Variants in CYBA observed in about 807,000 individuals in gnomAD.
The protein encoded by CYBA is cytochrome b-245 alpha chain, also known as cytochrome b-245 light chain.
A neutral mutation model predicts 20.8 loss-of-function variants in CYBA; 21 were observed. The ratio of observed to expected loss-of-function variants is 1.01; its 90% CI spans 0.72 to 1.46. CYBA has a LOEUF of 1.46. Among genes scored for constraint, CYBA ranks in the 40% most tolerant of loss-of-function variants. The probability of loss-of-function intolerance (pLI) is 0.00; values close to 1 mark genes in which losing one functional copy is unlikely to be tolerated. For missense variants in CYBA, 344 were observed against 287.0 expected, an observed-to-expected ratio of 1.20 and a Z score of -1.43; for synonymous variants, 164 against 127.5, an observed-to-expected ratio of 1.29 and a Z score of -1.93.
intron 3 of CYBA, 55 bp from the exon 4 acceptor site, chr16:88,646,893 C>A: frequency 6.9e-7 from 1 of 1,453,968 alleles, no homozygotes; most frequent in Non-Finnish European, 9.6e-7. Context: ...ACTCGGGACT[C>A]CTTTGCTGCC....
At chr16:88,649,190 G>A (rs1567610126) in intron 1 of CYBA, among the ~76,000 whole-genome samples, 1 of 152,172 alleles carries the variant, frequency 6.6e-6, no homozygotes, top group Non-Finnish European at 1.5e-5. Context: ...GCCCGCCTTG[G>A]CCTCCCAAAG....
chr16:88,643,390 T>A lies in CYBA; in HGVS notation c.551A>T (p.Gln184Leu). 6.5e-7 allele frequency: 1 copy of A among 1,531,596 alleles called. No individual in the cohort carries two copies. The highest frequency in any genetic ancestry group is 8.8e-7 in the Non-Finnish European group (1 of 1,141,482). The allele number at this position is 1,531,596 out of a possible 1,614,324, so 94.9% of individuals were successfully genotyped here. A position where few individuals can be genotyped will look rare whatever the true frequency, so the allele number is the denominator to read the frequency against. ...VAAGGPPGGP[Q>L]VNPIPVTDEV... ...GTCGGTCACCGGGATGGGGTTGACC[T>A]GGGGACCTCCCGGGGGTCCCCCCGC... The change falls in exon 6 of 6, where the codon CAG becomes CTG. Residue 184 changes from glutamine to leucine, a missense_variant. Transcript: ENST00000261623. This position sits in a 1 kb window ranked among gnomAD's most constrained non-coding sequence, Gnocchi z 4.3.
At chr16:88,647,659 C>T in intron 2 of CYBA, 1 of 385,354 alleles carries the variant, frequency 2.6e-6, no homozygotes, top group Non-Finnish European at 5.0e-6. Flanking sequence ...CCCAGTGCTC[C>T]TTGTCGCAAG....
In CYBA at chr16:88,646,108, C is replaced by T. The variant is rs1208265744; in HGVS notation, c.369+8G>A. 1.9e-6 allele frequency: 3 copies of T among 1,548,862 alleles called. No individual in the cohort carries two copies. The highest frequency in any genetic ancestry group is 1.7e-6 in the Non-Finnish European group (2 of 1,147,866). ...TGGCCGGGGCCGACCTCAGAGGGCG[C>T]CACTCACCAGTAGGTAGATGCCGCT... On this transcript the variant is annotated splice_region_variant and intron_variant, in intron 5 of 5. Coordinates refer to ENST00000261623, the MANE Select transcript of CYBA (RefSeq NM_000101.4).
At position 88,650,999 on chromosome 16, in the gene CYBA, C is replaced by G; in HGVS notation, c.15G>C (p.Glu5Asp). The change falls in exon 1 of 6, where the codon GAG becomes GAC. Residue 5 changes from glutamate to aspartate, a missense_variant. Transcript: ENST00000261623. ...CCTGTTCGTTGGCCCACATGGCCCA[C>G]TCGATCTGCCCCATGGCGACACGAA... The part of the protein sequence containing the change: MGQI[E>D]WAMWANEQAL... 1 of 1,597,882 alleles carries G rather than the reference C, an allele frequency of 6.3e-7. No homozygotes were observed. The highest frequency in any genetic ancestry group is 1.1e-5 in the South Asian group (1 of 88,994).
intron 1 of CYBA, among the ~76,000 whole-genome samples, chr16:88,648,929 TTTTA>T (rs933498209): frequency 6.9e-6 from 1 of 145,142 alleles, no homozygotes; most frequent in African/African-American, 2.5e-5. Flanking sequence ...CTTCCTACTA[TTTTA>T]TTTCTTTTTT....
At chr16:88,650,603 C>A (rs556615936) in intron 1 of CYBA, 3 of 515,252 alleles carry the variant, frequency 5.8e-6, no homozygotes, top group African/African-American at 3.9e-5. Context: ...CCGGAGCCCC[C>A]ACTCGGGGGC....
At chr16:88,649,214 G>T (rs1277523324) in intron 1 of CYBA, among the ~76,000 whole-genome samples, 3 of 152,238 alleles carry the variant, frequency 2.0e-5, no homozygotes, top group Non-Finnish European at 4.4e-5. Flanking sequence ...TAGGATTACA[G>T]GTGTAGCCAC....
At position 88,643,307 on chromosome 16, in the gene CYBA, T is replaced by G; in HGVS notation, c.*46A>C. ...CACGCGCTCCCGGCTTCGCTGCATT[T>G]ATTGCAGGTGGGTGCACCTGGCGGG... On this transcript the variant is annotated 3_prime_UTR_variant, in exon 6 of 6. Coordinates refer to ENST00000261623, the MANE Select transcript of CYBA (RefSeq NM_000101.4). This position sits in a 1 kb window ranked among gnomAD's most constrained non-coding sequence, Gnocchi z 4.3. 2.2e-6 allele frequency: 3 copies of G among 1,363,472 alleles called. No individual in the cohort carries two copies. The highest frequency in any genetic ancestry group is 2.9e-6 in the Non-Finnish European group (3 of 1,020,762). 84.5% of individuals were successfully genotyped at this position (1,363,472 alleles called of 1,614,324 possible). A position where few individuals can be genotyped will look rare whatever the true frequency, so the allele number is the denominator to read the frequency against.
intron 1 of CYBA, among the ~76,000 whole-genome samples, chr16:88,649,505 C>T (rs1272590538): frequency 2.0e-5 from 3 of 152,246 alleles, no homozygotes; most frequent in Non-Finnish European, 2.9e-5. Flanking sequence ...TTACAGAGCA[C>T]CTGCTGTGTA....
chr16:88,649,129 G>A (rs371958498), intron 1 of CYBA, among the ~76,000 whole-genome samples: 15 of 150,910 alleles, frequency 9.9e-5, no homozygotes, highest in Non-Finnish European at 2.9e-5. Flanking sequence ...AGTAGAGACG[G>A]GGTTTCACTG....
In CYBA at chr16:88,646,841, G is replaced by A; in HGVS notation, c.204-3C>T. The A allele has an allele frequency of 6.2e-7, 1 of 1,611,090 alleles. No individual in the cohort carries two copies. ...CGGCGGTCATGTACTTCTGTCCCCT[G>A]GGGGAGGGAGGAAGGCGAGACGGCG... On this transcript the variant is annotated splice_region_variant and splice_polypyrimidine_tract_variant and intron_variant, in intron 3 of 5. Transcript: ENST00000261623.
chr16:88,644,414 A>G (rs1323076521), intron 5 of CYBA, among the ~76,000 whole-genome samples: 1 of 152,252 alleles, frequency 6.6e-6, no homozygotes, highest in Non-Finnish European at 1.5e-5. Context: ...CGTGCAGTGA[A>G]GGACTCCACG....
At chr16:88,648,937 C>A (rs942266677) in intron 1 of CYBA, among the ~76,000 whole-genome samples, 1 of 119,652 alleles carries the variant, frequency 8.4e-6, no homozygotes, top group Non-Finnish European at 1.7e-5. Context: ...TATTTTATTT[C>A]TTTTTTTTTT....
chr16:88,649,067 A>G (rs1341287053), intron 1 of CYBA, among the ~76,000 whole-genome samples: 1 of 151,202 alleles, frequency 6.6e-6, no homozygotes, highest in African/African-American at 2.4e-5. Flanking sequence ...CCTCCCGAGT[A>G]GCTGGGACTA....
chr16:88,649,958 G>A (rs1464977451), intron 1 of CYBA, among the ~76,000 whole-genome samples: 5 of 152,170 alleles, frequency 3.3e-5, no homozygotes, highest in Non-Finnish European at 4.4e-5. Flanking sequence ...CTGACCCACC[G>A]ACTTCTTGGC....
Position 88,646,942 on chromosome 16 carries a change from C to T in CYBA, c.204-104G>A. On this transcript the variant is annotated intron_variant, in intron 3 of 5. Transcript: ENST00000261623. ...CAGGGCACCCAGGCCTCTTTCCTCC[C>T]ACAAAACACACCGGGCAGGCACCGG... 4 of 1,206,882 alleles carry T rather than the reference C, an allele frequency of 3.3e-6. No individual in the cohort carries two copies. The South Asian group carries it at 4.9e-5, about 15-fold the overall frequency. 74.8% of individuals were successfully genotyped at this position (1,206,882 alleles called of 1,614,324 possible). A position where few individuals can be genotyped will look rare whatever the true frequency, so the allele number is the denominator to read the frequency against.
intron 5 of CYBA, chr16:88,645,639 C>T: frequency 1.7e-6 from 1 of 593,846 alleles, no homozygotes; most frequent in Non-Finnish European, 3.0e-6. Context: ...GGGCAGCCTT[C>T]TAACAGGGTG....
At chr16:88,648,963 A>G (rs768048211) in intron 1 of CYBA, among the ~76,000 whole-genome samples, 159 of 127,518 alleles carry the variant, frequency 1.2e-3, no homozygotes, top group Non-Finnish European at 2.0e-3. Context: ...TTGGAGACAG[A>G]GTCTTGCCCT....
Sources: allele counts gnomAD v4.1 joint callset (sites outside exome capture counted in the v4.1 genomes callset), GRCh38; gene constraint gnomAD v4.1.1; non-coding constraint Gnocchi (gnomAD v3.1); transcripts MANE v1.5; gene names NCBI Gene and HGNC (gene_info 2026-07-23, HGNC 2026-07-21).